COL4A6: variants seen among roughly 807,000 people sequenced by gnomAD.
The protein encoded by COL4A6 is collagen alpha-6(IV) chain.
Under a neutral mutation model 126.7 loss-of-function variants are expected in COL4A6, and 59 were observed. That is an observed-to-expected ratio of 0.47 (90% confidence interval 0.38 to 0.58). COL4A6 has a LOEUF of 0.58. COL4A6 is among the 20% of genes least tolerant of loss of function. COL4A6 has a pLI of 0.00. For synonymous variants in COL4A6, 547 were observed against 496.6 expected (o/e 1.10, Z -1.35); for missense variants, 1,285 against 1,337.3 (o/e 0.96, Z 0.61).
At chrX:108,317,256 C>A (rs1837427184) in intron 2 of COL4A6, among the ~76,000 whole-genome samples, 1 of 112,309 alleles carries the variant, frequency 8.9e-6, no homozygotes, top group African/African-American at 3.2e-5. Context: ...AGTTTCTGTA[C>A]TAGGCAACTA....
intron 2 of COL4A6, among the ~76,000 whole-genome samples, chrX:108,376,709 ATTAGTCAGCT>A (rs1031446021): frequency 8.8e-6 from 1 of 113,150 alleles, no homozygotes; most frequent in African/African-American, 3.2e-5. Flanking sequence ...TTAGTTTTCT[ATTAGTCAGCT>A]TATTTATTTG....
chrX:108,252,110 T>A lies in COL4A6; in HGVS notation c.145-30736A>T, dbSNP rs985198343. 1.8e-5 allele frequency among the ~76,000 whole-genome samples: 2 copies of A among 111,143 alleles called. 1 individual carries two copies. Among genetic ancestry groups the A allele is most frequent in the Admixed American group, 1.9e-4 (2 of 10,453 alleles). On this transcript the variant is annotated intron_variant, in intron 3 of 44. Transcript: ENST00000334504. ...TATCTAACTATAAGTTTATACCCAT[T>A]GACCAACCAATGTCCTTCTCCCCTT...
chrX:108,210,737 C>T lies in COL4A6; in HGVS notation c.511-733G>A, dbSNP rs147897740. ...TTGAGCAAGTCACATAGCCTCAGTA[C>T]ACCTCAGTTTTTCTATCTGTAAAAT... On this transcript the variant is annotated intron_variant, in intron 7 of 44. Coordinates refer to ENST00000334504, the MANE Select transcript of COL4A6 (RefSeq NM_033641.4). Among the ~76,000 whole-genome samples, 12 of 111,843 alleles carry T rather than the reference C, an allele frequency of 1.1e-4. No homozygotes were observed. The East Asian group carries it at 3.1e-3, about 29-fold the overall frequency.
At chrX:108,201,929 T>C (rs1217467694) in intron 13 of COL4A6, among the ~76,000 whole-genome samples, 1 of 111,829 alleles carries the variant, frequency 8.9e-6, no homozygotes, top group African/African-American at 3.3e-5. Context: ...CACATTGACC[T>C]ATGAAGGTAG....
At chrX:108,320,893 C>T (rs764542737) in intron 2 of COL4A6, among the ~76,000 whole-genome samples, 3 of 111,790 alleles carry the variant, frequency 2.7e-5, no homozygotes, top group African/African-American at 9.8e-5. Context: ...TGTGTAGAGA[C>T]ATAGACACGT....
At chrX:108,326,866 T>A (rs1338170157) in intron 2 of COL4A6, among the ~76,000 whole-genome samples, 1 of 111,324 alleles carries the variant, frequency 9.0e-6, no homozygotes, top group Non-Finnish European at 1.9e-5. Context: ...TAGGAGAAAA[T>A]CTTTGTCCTC....
At chrX:108,369,768 A>G (rs1216915670) in intron 2 of COL4A6, among the ~76,000 whole-genome samples, 1 of 112,040 alleles carries the variant, frequency 8.9e-6, no homozygotes, top group Non-Finnish European at 1.9e-5. Flanking sequence ...TTAGCAAACT[A>G]TTTCTGTAAA....
intron 20 of COL4A6, 141 bp downstream of exon 20, chrX:108,190,251 C>T (rs930952173): frequency 2.2e-6 from 1 of 448,054 alleles, no homozygotes; most frequent in Non-Finnish European, 3.9e-6. Flanking sequence ...TATAGCACTT[C>T]TAACAATCCT....
At chrX:108,196,947 A>T (rs1395874937) in intron 13 of COL4A6, among the ~76,000 whole-genome samples, 1 of 112,133 alleles carries the variant, frequency 8.9e-6, no homozygotes, top group East Asian at 2.8e-4. Context: ...TGTGTTTTTC[A>T]TTCCGGGGAC....
At chrX:108,297,969 A>C (rs751687513) in intron 3 of COL4A6, among the ~76,000 whole-genome samples, 5 of 107,516 alleles carry the variant, frequency 4.7e-5, no homozygotes, top group Non-Finnish European at 3.9e-5. Context: ...GAGTACACAC[A>C]CCACACACAC....
At chrX:108,384,393 G>A (rs2040637400) in intron 2 of COL4A6, among the ~76,000 whole-genome samples, 1 of 112,594 alleles carries the variant, frequency 8.9e-6, no homozygotes, top group Admixed American at 9.4e-5. Flanking sequence ...GGCAATGAAT[G>A]TAGGCACAGA....
chrX:108,252,875 C>T (rs1414567054), intron 3 of COL4A6, among the ~76,000 whole-genome samples: 6 of 111,524 alleles, frequency 5.4e-5, no homozygotes, highest in African/African-American at 2.0e-4. Context: ...ATGTGATAAA[C>T]CACATTAATA....
intron 2 of COL4A6, among the ~76,000 whole-genome samples, chrX:108,401,946 T>A (rs1198067772): frequency 8.9e-6 from 1 of 111,749 alleles, no homozygotes; most frequent in Non-Finnish European, 1.9e-5. Context: ...CACTGCTACA[T>A]TCCTGAGATT....
chrX:108,324,228 A>T (rs1355369157), intron 2 of COL4A6, among the ~76,000 whole-genome samples: 4 of 112,146 alleles, frequency 3.6e-5, no homozygotes, highest in Non-Finnish European at 7.5e-5. Flanking sequence ...GGTTAAGGGC[A>T]GTGCCATTTC....
intron 8 of COL4A6, among the ~76,000 whole-genome samples, chrX:108,207,432 C>T (rs1016085618): frequency 2.7e-5 from 3 of 110,794 alleles, no homozygotes; most frequent in South Asian, 3.9e-4. Flanking sequence ...CCATGGCACA[C>T]GTTGTTTACC....
At chrX:108,258,371 T>C (rs2037064976) in intron 3 of COL4A6, among the ~76,000 whole-genome samples, 1 of 112,042 alleles carries the variant, frequency 8.9e-6, no homozygotes. Flanking sequence ...AGTCTTGTAA[T>C]GAAAACTAGA....
intron 6 of COL4A6, 109 bp downstream of exon 6, chrX:108,214,003 T>C: frequency 3.3e-6 from 2 of 603,350 alleles, no homozygotes; most frequent in South Asian, 4.7e-5. Flanking sequence ...GACAAGGGTG[T>C]GTAGTGGCTG....
chrX:108,372,763 C>T (rs955343590), intron 2 of COL4A6, among the ~76,000 whole-genome samples: 2 of 112,428 alleles, frequency 1.8e-5, no homozygotes, highest in Admixed American at 1.9e-4. Flanking sequence ...CTATGAATGA[C>T]TACCATTTAT....
chrX:108,207,340 G>A (rs1161726544), intron 8 of COL4A6, among the ~76,000 whole-genome samples: 1 of 110,077 alleles, frequency 9.1e-6, no homozygotes, highest in Non-Finnish European at 1.9e-5. Flanking sequence ...GGTGGGGTAG[G>A]GGAAGGGAGA....
Sources: gnomAD v4.1 joint callset for allele counts (sites outside exome capture counted in the v4.1 genomes callset) on GRCh38, gnomAD v4.1.1 for gene constraint, MANE v1.5 for transcripts, NCBI Gene and HGNC (gene_info 2026-07-23, HGNC 2026-07-21) for gene names.